The following ANKRD11 variants were observed in gnomAD, a reference collection of about 807,000 sequenced individuals.
ANKRD11 encodes ankyrin repeat domain-containing protein 11.
A neutral mutation model predicts 195.7 loss-of-function variants in ANKRD11; 17 were observed. The ratio of observed to expected loss-of-function variants is 0.09; its 90% CI spans 0.06 to 0.13. The LOEUF (loss-of-function observed/expected upper bound fraction) is 0.13, where lower values mean the gene tolerates loss of function less well. Among genes scored for constraint, ANKRD11 ranks in the 10% least tolerant of loss-of-function variants. The pLI, the probability that ANKRD11 is intolerant of heterozygous loss-of-function variation, is 1.00. For synonymous variants in ANKRD11, 1,953 were observed against 1,528.1 expected (o/e 1.28, Z -6.49); for missense variants, 3,735 against 3,566.1 (o/e 1.05, Z -1.21).
rs150628183 is a variant in ANKRD11 at position 89,353,908 on chromosome 16, T to A, written c.-59-36830A>T. On this transcript the variant is annotated intron_variant, in intron 2 of 12. Transcript: ENST00000301030. ...TCTGCAGCCTCTCATGCAGGGAGCG[T>A]GGGGCATGTCTGCCACAGGGTGAGG... Among the ~76,000 whole-genome samples, 701 of 152,298 alleles carry A rather than the reference T, an allele frequency of 4.6e-3. 5 individuals carry two copies. The highest frequency in any genetic ancestry group is 0.016 in the African/African-American group (654 of 41,564).
At chr16:89,388,293 A>ATTTTTTTTTTTTTTTTTTT in intron 2 of ANKRD11, among the ~76,000 whole-genome samples, 2 of 85,298 alleles carry the variant, frequency 2.3e-5, no homozygotes, top group African/African-American at 4.3e-5. Context: ...CATGAGGCTG[A>ATTTTTTTTTTTTTTTTTTT]TTTTTTTTTT....
chr16:89,449,937 C>T (rs2043991956), intron 1 of ANKRD11, among the ~76,000 whole-genome samples: 1 of 152,200 alleles, frequency 6.6e-6, no homozygotes, highest in South Asian at 2.1e-4. Context: ...GTCCCAGCTC[C>T]TGCTTCACTG....
Position 89,281,088 on chromosome 16 carries a change from G to C in ANKRD11, c.5454C>G (p.Ala1818=). 15 of 1,609,450 alleles carry C rather than the reference G, an allele frequency of 9.3e-6. No homozygotes were observed. The highest frequency in any genetic ancestry group is 1.2e-5 in the Non-Finnish European group (14 of 1,176,352). Residue 1818 remains alanine (A), a synonymous_variant, in exon 9 of 13, where the codon GCC becomes GCG. Coordinates refer to ENST00000301030, the MANE Select transcript of ANKRD11 (RefSeq NM_013275.6). The surrounding 1 kb of genome is among the most constrained non-coding windows in gnomAD (Gnocchi z 5.5). ...KLFRQQSVPA[A]SSYDSPMPPS... ...GTGGCATGGGAGAGTCGTAGCTGGAGGCAGCAGGAACGCTCTGCTGCCTGA... is the reference window on the plus strand; with the variant it reads ...GTGGCATGGGAGAGTCGTAGCTGGACGCAGCAGGAACGCTCTGCTGCCTGA...
chr16:89,439,115 T>C (rs1279931459), intron 1 of ANKRD11, among the ~76,000 whole-genome samples: 1 of 151,814 alleles, frequency 6.6e-6, no homozygotes, highest in South Asian at 2.1e-4. Context: ...AATGGGAAAC[T>C]CCCTCTGTGT....
chr16:89,279,032 A>G lies in ANKRD11; in HGVS notation c.7470+40T>C, dbSNP rs769251445. On this transcript the variant is annotated intron_variant, in intron 9 of 12. Coordinates refer to ENST00000301030, the MANE Select transcript of ANKRD11 (RefSeq NM_013275.6). The surrounding 1 kb of genome is among the most constrained non-coding windows in gnomAD (Gnocchi z 5.6). ...TGACTAGGGGCCCCAGACGCATCCC[A>G]GAGAGAGAAGGCAGTGGCTCTCCCG... 6.2e-7 allele frequency: 1 copy of G among 1,611,472 alleles called. No individual in the cohort carries two copies. Among genetic ancestry groups the G allele is most frequent in the East Asian group, 2.2e-5 (1 of 44,752 alleles).
chr16:89,379,175 T>C (rs1173502934), intron 2 of ANKRD11, among the ~76,000 whole-genome samples: 1 of 152,218 alleles, frequency 6.6e-6, no homozygotes, highest in African/African-American at 2.4e-5. Flanking sequence ...CACACGGCCA[T>C]TCTGGGAGCT....
chr16:89,314,286 C>A (rs945407562), intron 3 of ANKRD11, among the ~76,000 whole-genome samples: 3 of 152,064 alleles, frequency 2.0e-5, no homozygotes, highest in African/African-American at 4.8e-5. Flanking sequence ...CAACAAAAAA[C>A]CACACATACA....
chr16:89,410,088 C>T lies in ANKRD11; in HGVS notation c.-60+8196G>A, dbSNP rs947798169. On this transcript the variant is annotated intron_variant, in intron 2 of 12. Coordinates refer to ENST00000301030, the MANE Select transcript of ANKRD11 (RefSeq NM_013275.6). ...TCTCCTGACCTCGTGATCCGCCCGC[C>T]TCGGCCTCCCAAAGTGCTGGGATTA... Among the ~76,000 whole-genome samples the T allele has an allele frequency of 2.6e-5, 4 of 152,206 alleles. No individual in the cohort carries two copies. In the South Asian group the frequency reaches 8.3e-4, roughly 31 times the overall value.
At chr16:89,467,241 G>C (rs2152343539) in intron 1 of ANKRD11, among the ~76,000 whole-genome samples, 1 of 146,716 alleles carries the variant, frequency 6.8e-6, no homozygotes, top group East Asian at 2.0e-4. Flanking sequence ...AGATGGGCCA[G>C]GGCAACATGG....
At chr16:89,414,441 G>A (rs1055636538) in intron 2 of ANKRD11, among the ~76,000 whole-genome samples, 1 of 152,198 alleles carries the variant, frequency 6.6e-6, no homozygotes, top group African/African-American at 2.4e-5. Context: ...CACCGCCTGA[G>A]AGGACTAACC....
chr16:89,298,465 G>A (rs1290123316), intron 4 of ANKRD11: 1 of 152,378 alleles, frequency 6.6e-6, no homozygotes, highest in African/African-American at 2.4e-5. Flanking sequence ...TGAAAGGGCT[G>A]AGAGGCACAG....
chr16:89,356,494 A>G (rs1277835277), intron 2 of ANKRD11, among the ~76,000 whole-genome samples: 1 of 152,000 alleles, frequency 6.6e-6, no homozygotes, highest in Admixed American at 6.6e-5. Flanking sequence ...TAACAGGGCC[A>G]GGCGCGGTGG....
intron 9 of ANKRD11, 157 bp downstream of exon 9, chr16:89,278,915 C>T: frequency 7.9e-7 from 1 of 1,268,500 alleles, no homozygotes; most frequent in Non-Finnish European, 1.1e-6. Flanking sequence ...CTTTTGCCTC[C>T]ACAGCAGAAG....
intron 2 of ANKRD11, among the ~76,000 whole-genome samples, chr16:89,386,747 T>G (rs3096297): frequency 0.61 from 92,622 of 151,996 alleles, 28,724 homozygotes; most frequent in Middle Eastern, 0.74. Flanking sequence ...CTGTTGGATT[T>G]CATCAATCCA....
chr16:89,277,801 G>C (rs530689439), intron 9 of ANKRD11: 1 of 152,980 alleles, frequency 6.5e-6, no homozygotes, highest in Non-Finnish European at 1.5e-5. Flanking sequence ...TCCCTGACAT[G>C]TCGGCCAGCA....
At chr16:89,474,455 T>A (rs1597522187) in intron 1 of ANKRD11, among the ~76,000 whole-genome samples, 1 of 150,648 alleles carries the variant, frequency 6.6e-6, no homozygotes, top group East Asian at 1.9e-4. Flanking sequence ...TGTCTCTACC[T>A]TATGTAAAAA....
At chr16:89,424,833 G>A (rs1267848638) in intron 1 of ANKRD11, among the ~76,000 whole-genome samples, 6 of 152,112 alleles carry the variant, frequency 3.9e-5, no homozygotes, top group Non-Finnish European at 4.4e-5. Flanking sequence ...GCAGGGACGG[G>A]GGCCCCCAGT....
rs758054789 is a variant in ANKRD11 at position 89,280,134 on chromosome 16, G to A, written c.6408C>T (p.Phe2136=). ...TCTGCAGGGGAAGCTCCGGCAGGGA[G>A]AAGGGCCCCAGGTCCAGGTCGTCCT... ...GPEDDLDLGP[F]SLPELPLQTK... Residue 2136 remains phenylalanine (F), a synonymous_variant, in exon 9 of 13, where the codon TTC becomes TTT. Transcript: ENST00000301030. 5 of 1,611,952 alleles carry A rather than the reference G, an allele frequency of 3.1e-6. No individual in the cohort carries two copies. Among genetic ancestry groups the A allele is most frequent in the African/African-American group, 1.3e-5 (1 of 74,926 alleles).
At chr16:89,426,913 C>G (rs1013371053) in intron 1 of ANKRD11, among the ~76,000 whole-genome samples, 13 of 152,172 alleles carry the variant, frequency 8.5e-5, no homozygotes, top group South Asian at 2.1e-4. Context: ...TCTGTTTCTA[C>G]AAAATGAATA....
Sources: allele counts gnomAD v4.1 joint callset (sites outside exome capture counted in the v4.1 genomes callset), GRCh38; gene constraint gnomAD v4.1.1; non-coding constraint Gnocchi (gnomAD v3.1); transcripts MANE v1.5; gene names NCBI Gene and HGNC (gene_info 2026-07-23, HGNC 2026-07-21).